Variants in PCDHA3 observed in about 807,000 individuals in gnomAD.
PCDHA3 encodes the protein protocadherin alpha-3.
PCDHA3 carries 41 observed loss-of-function variants against 62.2 expected under a neutral mutation model. That is an observed-to-expected ratio of 0.66 (90% CI 0.51 to 0.86). The LOEUF (loss-of-function observed/expected upper bound fraction) is 0.86, where lower values mean the gene tolerates loss of function less well. Among genes scored for constraint, PCDHA3 ranks in the 40% least tolerant of loss-of-function variants. PCDHA3 has a pLI of 0.00. For synonymous variants in PCDHA3, 640 were observed against 555.4 expected, an observed-to-expected ratio of 1.15 and a Z score of -2.14; for missense variants, 1,304 against 1,241.2, an observed-to-expected ratio of 1.05 and a Z score of -0.76.
Position 140,843,333 on chromosome 5 carries a change from A to G in PCDHA3, c.2394+39742A>G, listed in dbSNP as rs2150357637. 2.5e-6 allele frequency: 4 copies of G among 1,596,000 alleles called. No homozygotes were observed. The Admixed American group carries it at 5.1e-5, about 20-fold the overall frequency. ...GCCACGGTTCTGGTGTCGCTGGTGG[A>G]GAGCGGCCAGGCTCCAAAAGCGTCA... On this transcript the variant is annotated intron_variant, in intron 1 of 3. Transcript: ENST00000522353.
At chr5:140,826,255 T>A (rs1554130509) in intron 1 of PCDHA3, among the ~76,000 whole-genome samples, 2 of 152,222 alleles carry the variant, frequency 1.3e-5, no homozygotes, top group African/African-American at 4.8e-5. Flanking sequence ...TCTTTATATA[T>A]CAAGTCTTTA....
chr5:140,867,666 C>T (rs2050094280), intron 1 of PCDHA3: 1 of 152,038 alleles, frequency 6.6e-6, no homozygotes, highest in Non-Finnish European at 1.5e-5. Context: ...ACTTTCTACT[C>T]TAAAATTTTG....
intron 1 of PCDHA3, among the ~76,000 whole-genome samples, chr5:140,895,617 G>T (rs782388218): frequency 6.6e-6 from 1 of 152,084 alleles, no homozygotes; most frequent in Non-Finnish European, 1.5e-5. Context: ...CTCATTGAGG[G>T]TGTTGTCTTT....
At chr5:140,967,206 G>A in intron 1 of PCDHA3, 2 of 1,613,644 alleles carry the variant, frequency 1.2e-6, no homozygotes, top group South Asian at 2.2e-5. Flanking sequence ...AACTCACCGC[G>A]TTTCCCGCGG....
chr5:141,009,103 C>G (rs1440460108), intron 3 of PCDHA3, among the ~76,000 whole-genome samples: 1 of 152,170 alleles, frequency 6.6e-6, no homozygotes, highest in African/African-American at 2.4e-5. Flanking sequence ...ACATATGTTA[C>G]TATGAAACTA....
rs533760082 is a variant in PCDHA3 at position 140,985,940 on chromosome 5, T to C, written c.2542+3377T>C. On this transcript the variant is annotated intron_variant, in intron 3 of 3. Coordinates refer to ENST00000522353, the MANE Select transcript of PCDHA3 (RefSeq NM_018906.3). ...ATTTTTAGTAGAGCCGGGGTTTCAC[T>C]GTGTTAGCCAGGATGGTCTCAATCT... is the stretch of plus-strand genomic sequence containing the variant. Among the ~76,000 whole-genome samples, 4 of 151,946 alleles carry C rather than the reference T, an allele frequency of 2.6e-5. No homozygotes were observed. In the South Asian group the frequency reaches 6.2e-4, roughly 24 times the overall value.
intron 1 of PCDHA3, chr5:140,843,794 T>G: frequency 7.3e-7 from 1 of 1,365,430 alleles, no homozygotes; most frequent in East Asian, 2.3e-5. Flanking sequence ...CAGATTTAGT[T>G]TTTCACCGTA....
intron 1 of PCDHA3, chr5:140,967,407 G>A: frequency 6.2e-7 from 1 of 1,613,098 alleles, no homozygotes; most frequent in South Asian, 1.1e-5. Context: ...CTGCGTAAGG[G>A]CCTAGACCGG....
At chr5:140,888,443 A>C (rs1374471673) in intron 1 of PCDHA3, among the ~76,000 whole-genome samples, 2 of 152,172 alleles carry the variant, frequency 1.3e-5, no homozygotes, top group Non-Finnish European at 2.9e-5. Context: ...GCCGCCCAAC[A>C]ATAAAGAATT....
At chr5:140,882,096 T>A in intron 1 of PCDHA3, 1 of 1,224,746 alleles carries the variant, frequency 8.2e-7, no homozygotes, top group Non-Finnish European at 1.1e-6. Flanking sequence ...ACTGAGAACG[T>A]TTCCGCGAAG....
At chr5:140,813,486 C>A (rs2126646762) in intron 1 of PCDHA3, 1 of 152,128 alleles carries the variant, frequency 6.6e-6, no homozygotes, top group Non-Finnish European at 1.5e-5. Context: ...TATATCTAAA[C>A]ATCTAAAAGG....
At chr5:140,848,867 G>A in intron 1 of PCDHA3, 1 of 1,590,766 alleles carries the variant, frequency 6.3e-7, no homozygotes, top group Non-Finnish European at 8.6e-7. Context: ...TGGAGGTGAA[G>A]GACATTAACG....
At chr5:140,930,553 A>C (rs1252554591) in intron 1 of PCDHA3, 1 of 152,562 alleles carries the variant, frequency 6.6e-6, no homozygotes, top group Non-Finnish European at 1.5e-5. Flanking sequence ...TTAGGACAAC[A>C]TTTTGAAGCA....
chr5:140,868,708 A>C, intron 1 of PCDHA3: 1 of 186,682 alleles, frequency 5.4e-6, no homozygotes, highest in Non-Finnish European at 1.1e-5. Context: ...CATAGACACA[A>C]TAATTTAAAT....
intron 1 of PCDHA3, among the ~76,000 whole-genome samples, chr5:140,920,769 G>T (rs2153558518): frequency 6.6e-6 from 1 of 151,918 alleles, no homozygotes; most frequent in African/African-American, 2.4e-5. Context: ...GCTTACACCT[G>T]GGAGGTGGAG....
chr5:140,850,984 T>G (rs2150504982), intron 1 of PCDHA3: 15 of 1,451,674 alleles, frequency 1.0e-5, no homozygotes, highest in Non-Finnish European at 1.3e-5. Flanking sequence ...GTTTTATTCA[T>G]TTTTCTAGAA....
chr5:140,876,787 G>A, intron 1 of PCDHA3: 1 of 1,614,228 alleles, frequency 6.2e-7, no homozygotes, highest in Non-Finnish European at 8.5e-7. Context: ...GTGGGCCACG[G>A]CTAGAGTGTC....
intron 1 of PCDHA3, chr5:140,870,984 G>T (rs1554164960): frequency 3.7e-6 from 6 of 1,613,520 alleles, no homozygotes; most frequent in Non-Finnish European, 8.5e-7. Context: ...GGCTGTACAC[G>T]GGCGAGATAA....
chr5:140,967,273 A>G lies in PCDHA3; in HGVS notation c.2395-11676A>G, dbSNP rs2096121712. The G allele has an allele frequency of 1.9e-6, 3 of 1,613,332 alleles. No individual in the cohort carries two copies. Among genetic ancestry groups the G allele is most frequent in the South Asian group, 2.2e-5 (2 of 91,074 alleles). On this transcript the variant is annotated intron_variant, in intron 1 of 3. Transcript: ENST00000522353. ...TGGCGCCTGGAGCGCGCTTTCACAT[A>G]GAGAGTGCGCAGGACCCCGACGTGG...
Sources: allele counts gnomAD v4.1 joint callset (sites outside exome capture counted in the v4.1 genomes callset), GRCh38; gene constraint gnomAD v4.1.1; transcripts MANE v1.5; gene names NCBI Gene and HGNC (gene_info 2026-07-23, HGNC 2026-07-21).